Variants in SELP observed in about 807,000 individuals in gnomAD.
The protein encoded by SELP is selectin P, also known as P-selectin.
In SELP, 92 loss-of-function variants were observed where a neutral mutation model predicts 104.1. The ratio of observed to expected loss-of-function variants is 0.88; its 90% CI spans 0.75 to 1.05. SELP has a LOEUF of 1.05. Ranked by LOEUF, SELP falls within the 50% of genes least tolerant of loss-of-function variation. The probability of loss-of-function intolerance (pLI) is 0.00; values close to 1 mark genes in which losing one functional copy is unlikely to be tolerated. For synonymous variants in SELP, 397 were observed against 364.5 expected (o/e 1.09, Z -1.01); for missense variants, 1,022 against 1,017.3 (o/e 1.00, Z -0.06).
chr1:169,607,380 C>T (rs1384387357), intron 8 of SELP, among the ~76,000 whole-genome samples: 5 of 151,876 alleles, frequency 3.3e-5, no homozygotes, highest in Non-Finnish European at 7.4e-5. Context: ...GCTTTTGGAC[C>T]CAAGAATTTA....
intron 10 of SELP, 39 bp from the exon 11 acceptor site, chr1:169,597,215 T>G (rs1358603402): frequency 6.7e-7 from 1 of 1,500,948 alleles, no homozygotes; most frequent in Admixed American, 2.1e-5. Flanking sequence ...TCTCCAAGTT[T>G]ATTCAGAAGT....
chr1:169,602,131 T>G (rs1024354181), intron 10 of SELP, among the ~76,000 whole-genome samples: 1 of 152,162 alleles, frequency 6.6e-6, no homozygotes, highest in Non-Finnish European at 1.5e-5. Context: ...TTGAGTAAAT[T>G]TTACTGGTAA....
At chr1:169,626,979 C>T (rs999841023) in intron 1 of SELP, among the ~76,000 whole-genome samples, 8 of 150,558 alleles carry the variant, frequency 5.3e-5, no homozygotes, top group South Asian at 2.1e-4. Flanking sequence ...GAGAGTAGTG[C>T]GATACTTTTT....
rs186030305 is a variant in SELP at position 169,612,556 on chromosome 1, G to A, written c.776-154C>T. On this transcript the variant is annotated intron_variant, in intron 5 of 16. Coordinates refer to ENST00000263686, the MANE Select transcript of SELP (RefSeq NM_003005.4). ...AAATGGTGTTTTCAATAGCTGCTTG[G>A]AAAGATCAAACACCCTTGTTTTTCA... is the stretch of plus-strand genomic sequence containing the variant. 4.8e-4 allele frequency among the ~76,000 whole-genome samples: 73 copies of A among 151,908 alleles called. 1 individual carries two copies. The highest frequency in any genetic ancestry group is 1.8e-3 in the Admixed American group (28 of 15,280).
At position 169,603,067 on chromosome 1, in the gene SELP, G is replaced by A. The variant is rs1466035452; in HGVS notation, c.1664C>T (p.Thr555Ile). Residue 555 changes from threonine to isoleucine, a missense_variant, in exon 10 of 17, where the codon ACT becomes ATT. Thr to Ile is a moderately conservative substitution (Grantham distance 89). Coordinates refer to ENST00000263686, the MANE Select transcript of SELP (RefSeq NM_003005.4). Reference protein sequence around the residue: ...SLSGPERLDCTRSGRWTDSPP... With the variant: ...SLSGPERLDCIRSGRWTDSPP... ...GGAGTCTGTCCAGCGTCCCGATCGA[G>A]TACAATCCAATCTTTCTGGTCCAGA... is the stretch of plus-strand genomic sequence containing the variant. The A allele has an allele frequency of 6.2e-7, 1 of 1,613,902 alleles. No homozygotes were observed. The highest frequency in any genetic ancestry group is 8.5e-7 in the Non-Finnish European group (1 of 1,179,978).
chr1:169,617,476 C>T, intron 2 of SELP, 62 bp from the exon 3 acceptor site: 2 of 1,528,438 alleles, frequency 1.3e-6, no homozygotes, highest in Non-Finnish European at 8.9e-7. Context: ...GCCGTGATCC[C>T]AAGTATGCTT....
At chr1:169,626,514 G>A (rs1299543288) in intron 1 of SELP, among the ~76,000 whole-genome samples, 2 of 152,256 alleles carry the variant, frequency 1.3e-5, no homozygotes, top group African/African-American at 4.8e-5. Context: ...CCAGGAGACA[G>A]AGGTTGCAGT....
intron 10 of SELP, 22 bp downstream of exon 10, chr1:169,603,004 A>G: frequency 6.3e-7 from 1 of 1,589,652 alleles, no homozygotes; most frequent in Non-Finnish European, 8.6e-7. Context: ...AAGCCATAAG[A>G]AAGGACAGAC....
In SELP at chr1:169,591,386, G is replaced by A. The variant is rs13306837; in HGVS notation, c.2438+40C>T. On this transcript the variant is annotated intron_variant, in intron 15 of 16. Coordinates refer to ENST00000263686, the MANE Select transcript of SELP (RefSeq NM_003005.4). ...TATTACAGTGAATTATAAAGTTAAG[G>A]TAGCAAAATTTACTCAATCATAAAA... is the stretch of plus-strand genomic sequence containing the variant. The A allele has an allele frequency of 9.2e-3, 12,993 of 1,418,458 alleles. 96 individuals carry two copies. The highest frequency in any genetic ancestry group is 0.03 in the East Asian group (1,277 of 42,848). The allele number at this position is 1,418,458 out of a possible 1,614,324, so 87.9% of individuals were successfully genotyped here. A position where few individuals can be genotyped will look rare whatever the true frequency, so the allele number is the denominator to read the frequency against.
intron 16 of SELP, 53 bp downstream of exon 16, chr1:169,590,094 C>T: frequency 1.7e-6 from 2 of 1,209,926 alleles, no homozygotes; most frequent in Middle Eastern, 1.9e-4. Context: ...TATAGTCTTC[C>T]ATTTTTCCCT....
intron 15 of SELP, among the ~76,000 whole-genome samples, 184 bp from the exon 16 acceptor site, chr1:169,590,386 G>A (rs796091066): frequency 6.6e-6 from 1 of 152,166 alleles, no homozygotes; most frequent in Non-Finnish European, 1.5e-5. Context: ...TGGGTAATTT[G>A]CATTGCATTT....
In SELP at chr1:169,591,443, G is replaced by T; in HGVS notation, c.2421C>A (p.Cys807Ter). 2 of 1,579,840 alleles carry T rather than the reference G, an allele frequency of 1.3e-6. No homozygotes were observed. Among genetic ancestry groups the T allele is most frequent in the Non-Finnish European group, 1.7e-6 (2 of 1,164,154 alleles). The change falls in exon 15 of 17, where the codon TGC becomes TGA. Residue 807 changes from cysteine to a stop codon, truncating the protein, a stop_gained. Coordinates refer to ENST00000263686, the MANE Select transcript of SELP (RefSeq NM_003005.4). LOFTEE classifies it high-confidence loss of function. Reference sequence around the variant, plus strand: ...TACCTTACCTGTGAGGATTCAAGGGGCATTTCCCATCATCTAAAATCAGCA... The same window carrying T: ...TACCTTACCTGTGAGGATTCAAGGGTCATTTCCCATCATCTAAAATCAGCA... ...KRFRQKDDGK[C>*]PLNPHSHLGT...
chr1:169,590,113 A>G (rs1190709945), intron 16 of SELP, 34 bp downstream of exon 16: 2 of 1,484,602 alleles, frequency 1.3e-6, no homozygotes, highest in Non-Finnish European at 1.9e-6. Flanking sequence ...CTAGTGTTCT[A>G]TTTCCTTCAA....
Position 169,620,549 on chromosome 1 carries a change from ATGCATT to A in SELP, c.4-1336_4-1331del, listed in dbSNP as rs1406880173. Among the ~76,000 whole-genome samples, 13 of 152,240 alleles carry A rather than the reference ATGCATT, an allele frequency of 8.5e-5. No individual in the cohort carries two copies. In the East Asian group the frequency reaches 2.3e-3, roughly 27 times the overall value. On this transcript the variant is annotated intron_variant, in intron 1 of 16. Transcript: ENST00000263686. ...TCAACATAAAAACAGTGCATTTGCTATGCATTTGCAGTTTTGTCACTATCCCAGCCA... is the reference window on the plus strand; with the variant it reads ...TCAACATAAAAACAGTGCATTTGCTATGCAGTTTTGTCACTATCCCAGCCA...
At chr1:169,610,308 G>T (rs1662455691) in intron 7 of SELP, among the ~76,000 whole-genome samples, 1 of 152,118 alleles carries the variant, frequency 6.6e-6, no homozygotes, top group African/African-American at 2.4e-5. Context: ...GTTGCCAAGT[G>T]AGTGCAGCCA....
rs770319194 is a variant in SELP at position 169,590,179 on chromosome 1, A to G, written c.2462T>C (p.Phe821Ser). Residue 821 changes from phenylalanine (F) to serine (S), a missense_variant, in exon 16 of 17, where the codon TTT becomes TCT. Phe to Ser is a radical substitution (Grantham distance 155). Coordinates refer to ENST00000263686, the MANE Select transcript of SELP (RefSeq NM_003005.4). The part of the protein sequence containing the change: ...PHSHLGTYGV[F>S]TNAAFDPSP ...ACTCGGGTCAAATGCAGCGTTTGTA[A>G]AAACTCCATATGTTCCTAGGTGGCT... The G allele has an allele frequency of 6.2e-6, 10 of 1,613,336 alleles. No individual in the cohort carries two copies. The highest frequency in any genetic ancestry group is 7.6e-6 in the Non-Finnish European group (9 of 1,179,380).
intron 15 of SELP, among the ~76,000 whole-genome samples, chr1:169,590,974 C>T (rs3917844): frequency 0.03 from 4,619 of 152,208 alleles, 235 homozygotes; most frequent in African/African-American, 0.1. Flanking sequence ...ATGCAATTGC[C>T]ATATGAATCA....
At chr1:169,614,353 G>A (rs546398665) in intron 3 of SELP, among the ~76,000 whole-genome samples, 6 of 152,330 alleles carry the variant, frequency 3.9e-5, no homozygotes, top group Admixed American at 1.3e-4. Flanking sequence ...TACAGCAGGC[G>A]AAGAGAGTAC....
rs571792269 is a variant in SELP at position 169,620,429 on chromosome 1, C to T, written c.4-1210G>A. ...TTCATTAACCTCCAGGCTTCTAAAT[C>T]CCATGCTGCATTGCTGTTTTGGATG... On this transcript the variant is annotated intron_variant, in intron 1 of 16. Transcript: ENST00000263686. Among the ~76,000 whole-genome samples, 461 of 149,558 alleles carry T rather than the reference C, an allele frequency of 3.1e-3. 1 individual carries two copies. Among genetic ancestry groups the T allele is most frequent in the Non-Finnish European group, 5.1e-3 (345 of 67,688 alleles).
Sources: gnomAD v4.1 joint callset for allele counts (sites outside exome capture counted in the v4.1 genomes callset) on GRCh38, gnomAD v4.1.1 for gene constraint, MANE v1.5 for transcripts, NCBI Gene and HGNC (gene_info 2026-07-23, HGNC 2026-07-21) for gene names.